HPGD: variants seen among roughly 807,000 people sequenced by gnomAD.
HPGD encodes 15-hydroxyprostaglandin dehydrogenase [NAD(+)].
A neutral mutation model predicts 30.0 loss-of-function variants in HPGD; 29 were observed. The observed-to-expected ratio is 0.97, with a 90% CI of 0.72 to 1.32. The LOEUF is 1.32. Ranked by LOEUF, HPGD falls within the 40% of genes most tolerant of loss-of-function variation. The pLI is 0.00. For synonymous variants in HPGD, 99 were observed against 112.4 expected (o/e 0.88, Z 0.75); for missense variants, 340 against 322.1 (o/e 1.06, Z -0.43).
At chr4:174,506,816 G>T (rs45549735) in intron 4 of HPGD, 1 of 152,180 alleles carries the variant, frequency 6.6e-6, no homozygotes, top group Non-Finnish European at 1.5e-5. Context: ...ATTTCTCCCA[G>T]ATCGTCCTAA....
chr4:174,496,118 C>T lies in HPGD; in HGVS notation c.422-494G>A, dbSNP rs563359255. On this transcript the variant is annotated intron_variant, in intron 4 of 6. Coordinates refer to ENST00000296522, the MANE Select transcript of HPGD (RefSeq NM_000860.6). The surrounding 1 kb of genome is among the most constrained non-coding windows in gnomAD (Gnocchi z 4.6). ...TAGTATGCAATTTCCTGTCACCAAT[C>T]TGTCTTGAACAATGCCTCCAAAAGT... 1.7e-4 allele frequency among the ~76,000 whole-genome samples: 26 copies of T among 152,318 alleles called. No homozygotes were observed. In the South Asian group the frequency reaches 5.2e-3, roughly 30 times the overall value.
chr4:174,510,592 A>G (rs1418558342), intron 3 of HPGD, among the ~76,000 whole-genome samples: 3 of 152,238 alleles, frequency 2.0e-5, no homozygotes, highest in Non-Finnish European at 4.4e-5. Flanking sequence ...TTTTTTAGAA[A>G]AGCAATATTT....
At chr4:174,503,237 A>T (rs2110811207) in intron 4 of HPGD, among the ~76,000 whole-genome samples, 1 of 152,246 alleles carries the variant, frequency 6.6e-6, no homozygotes, top group South Asian at 2.1e-4. Context: ...CTAAGCAGGA[A>T]GGGTGGCTCC....
chr4:174,501,877 C>T (rs1348140005), intron 4 of HPGD, among the ~76,000 whole-genome samples: 1 of 152,116 alleles, frequency 6.6e-6, no homozygotes, highest in African/African-American at 2.4e-5. Flanking sequence ...TTAATCATTT[C>T]ACAGAAGGTA....
chr4:174,522,168 G>C, intron 1 of HPGD, 101 bp from the exon 2 acceptor site: 2 of 1,575,066 alleles, frequency 1.3e-6, no homozygotes, highest in Non-Finnish European at 1.7e-6. Context: ...CTGAAATTTG[G>C]CAATTAGGTT....
At chr4:174,506,730 T>C (rs974751983) in intron 4 of HPGD, 32 of 152,250 alleles carry the variant, frequency 2.1e-4, no homozygotes, top group African/African-American at 6.0e-4. Flanking sequence ...TTTAAACAGA[T>C]AAAAGGCAGT....
intron 3 of HPGD, among the ~76,000 whole-genome samples, chr4:174,514,587 T>A (rs1939409604): frequency 6.6e-6 from 1 of 152,144 alleles, no homozygotes; most frequent in South Asian, 2.1e-4. Context: ...CTGGAAGCAT[T>A]CGCCTTGAGA....
At chr4:174,508,133 G>T (rs1735277769) in intron 4 of HPGD, 1 of 702,254 alleles carries the variant, frequency 1.4e-6, no homozygotes, top group African/African-American at 1.7e-5. Flanking sequence ...GCTGAAGACG[G>T]CAGAACTTCT....
At chr4:174,515,771 A>G (rs1278570538) in intron 3 of HPGD, among the ~76,000 whole-genome samples, 1 of 152,068 alleles carries the variant, frequency 6.6e-6, no homozygotes, top group African/African-American at 2.4e-5. Flanking sequence ...TGAGCAAATC[A>G]ACAAGCAAAA....
chr4:174,494,396 T>C lies in HPGD; in HGVS notation c.499-1082A>G, dbSNP rs1387411849. 6.6e-6 allele frequency among the ~76,000 whole-genome samples: 1 copy of C among 152,156 alleles called. No individual in the cohort carries two copies. The highest frequency in any genetic ancestry group is 1.5e-5 in the Non-Finnish European group (1 of 68,010). ...AATGTAGTGTTTGTAAGTGACTTCA[T>C]GGAACATAACCACCATGCATACTGA... On this transcript the variant is annotated intron_variant, in intron 5 of 6. Coordinates refer to ENST00000296522, the MANE Select transcript of HPGD (RefSeq NM_000860.6). This position sits in a 1 kb window ranked among gnomAD's most constrained non-coding sequence, Gnocchi z 4.9.
chr4:174,521,750 C>A (rs77455573), intron 2 of HPGD, among the ~76,000 whole-genome samples, 194 bp downstream of exon 2: 1 of 152,246 alleles, frequency 6.6e-6, no homozygotes, highest in Non-Finnish European at 1.5e-5. Flanking sequence ...AGCAGTCTTG[C>A]CTTTCTTTCG....
rs140547850 is a variant in HPGD at position 174,515,837 on chromosome 4, C to G, written c.324+2134G>C. Among the ~76,000 whole-genome samples, 7 of 152,152 alleles carry G rather than the reference C, an allele frequency of 4.6e-5. No homozygotes were observed. The East Asian group carries it at 1.4e-3, about 29-fold the overall frequency. ...GGACATAAAGAGACTTCTGTGAATA[C>G]TTCTCAGAAGAGGACAGACACATGG... On this transcript the variant is annotated intron_variant, in intron 3 of 6. Transcript: ENST00000296522.
chr4:174,507,729 G>A (rs1735258721), intron 4 of HPGD: 1 of 171,150 alleles, frequency 5.8e-6, no homozygotes, highest in East Asian at 1.5e-4. Context: ...TTTTTTCCTA[G>A]AGTTTTAAAA....
intron 2 of HPGD, among the ~76,000 whole-genome samples, chr4:174,519,414 C>T (rs1735966878): frequency 6.6e-6 from 1 of 152,014 alleles, no homozygotes; most frequent in East Asian, 1.9e-4. Context: ...GGGGTTTCAC[C>T]GTGTTAGCCA....
intron 4 of HPGD, among the ~76,000 whole-genome samples, chr4:174,497,569 T>C (rs13123312): frequency 0.082 from 1,980 of 24,088 alleles, 131 homozygotes; most frequent in East Asian, 0.4. Flanking sequence ...TTTTTCTTTC[T>C]TTTTTTTTTT....
chr4:174,515,162 C>A (rs1356810080), intron 3 of HPGD, among the ~76,000 whole-genome samples: 1 of 151,932 alleles, frequency 6.6e-6, no homozygotes, highest in Admixed American at 6.6e-5. Context: ...TTAAAAAAAA[C>A]AATTTTCAAA....
intron 4 of HPGD, chr4:174,506,865 G>C (rs892141908): frequency 6.6e-6 from 1 of 152,204 alleles, no homozygotes; most frequent in Non-Finnish European, 1.5e-5. Flanking sequence ...TCCAAAGAAT[G>C]AAATCAGTGC....
intron 4 of HPGD, among the ~76,000 whole-genome samples, chr4:174,502,404 C>T (rs1463943145): frequency 6.6e-6 from 1 of 151,700 alleles, no homozygotes; most frequent in Non-Finnish European, 1.5e-5. Flanking sequence ...TGCGGCCGGG[C>T]GCGGTGGCTG....
chr4:174,502,753 A>G (rs193086580), intron 4 of HPGD, among the ~76,000 whole-genome samples: 3 of 152,226 alleles, frequency 2.0e-5, no homozygotes, highest in African/African-American at 7.2e-5. Context: ...CTTCCCAGAA[A>G]GATATGTTTA....
Sources: allele counts gnomAD v4.1 joint callset (sites outside exome capture counted in the v4.1 genomes callset), GRCh38; gene constraint gnomAD v4.1.1; non-coding constraint Gnocchi (gnomAD v3.1); transcripts MANE v1.5; gene names NCBI Gene and HGNC (gene_info 2026-07-23, HGNC 2026-07-21).